Variants in AXIN1 observed in about 807,000 individuals in gnomAD.
AXIN1 encodes the protein axin-1.
A neutral mutation model predicts 76.4 loss-of-function variants in AXIN1; 30 were observed. That is an observed-to-expected ratio of 0.39 (90% CI 0.29 to 0.53). The LOEUF is 0.53. Ranked by LOEUF, AXIN1 falls within the 20% of genes least tolerant of loss-of-function variation. The probability of loss-of-function intolerance (pLI) is 0.66; values close to 1 mark genes in which losing one functional copy is unlikely to be tolerated. For missense variants in AXIN1, 1,140 were observed against 1,198.8 expected (o/e 0.95, Z 0.72); for synonymous variants, 545 against 501.4 (o/e 1.09, Z -1.16).
chr16:326,354 C>CAAAAAAA (rs1187459071), intron 2 of AXIN1, among the ~76,000 whole-genome samples: 1 of 64,174 alleles, frequency 1.6e-5, no homozygotes, highest in Non-Finnish European at 2.9e-5. Context: ...AACTCCGTCT[C>CAAAAAAA]AAAAAAAAAA....
rs139751087 is a variant in AXIN1 at position 289,335 on chromosome 16, G to A, written c.2462+105C>T. On this transcript the variant is annotated intron_variant, in intron 10 of 10. Transcript: ENST00000262320. Reference sequence around the variant, plus strand: ...CCCACCTCAGCCTCCCAAAGTGCCAGGATTAGGACGTGAGCCACTGTGCCC... The same window carrying A: ...CCCACCTCAGCCTCCCAAAGTGCCAAGATTAGGACGTGAGCCACTGTGCCC... 754 of 1,471,664 alleles carry A rather than the reference G, an allele frequency of 5.1e-4. 5 individuals are homozygous for A. The African/African-American group carries it at 8.0e-3, about 16-fold the overall frequency. 91.2% of individuals were successfully genotyped at this position (1,471,664 alleles called of 1,614,324 possible). A position where few individuals can be genotyped will look rare whatever the true frequency, so the allele number is the denominator to read the frequency against.
At chr16:295,558 TA>T (rs57786604) in intron 7 of AXIN1, among the ~76,000 whole-genome samples, 65 of 149,486 alleles carry the variant, frequency 4.3e-4, no homozygotes, top group Non-Finnish European at 7.9e-4. Flanking sequence ...CGCAAAAAAT[TA>T]AAAAAAAAGT....
chr16:346,614 G>C lies in AXIN1; in HGVS notation c.412C>G (p.Leu138Val), dbSNP rs2141705173. The change falls in exon 2 of 11, where the codon CTG (leucine) becomes GTG (valine). Residue 138 changes from leucine (L) to valine (V), a missense_variant. Leu to Val is a conservative substitution (Grantham distance 32). Coordinates refer to ENST00000262320, the MANE Select transcript of AXIN1 (RefSeq NM_003502.4). ...EPCDSNEEKR[L>V]KLARAIYRKY... ...CGGTAGATGGCTCTCGCCAGCTTCA[G>C]CCTCTTCTCCTCGTTCGAGTCACAG... is the stretch of plus-strand genomic sequence containing the variant. 3.1e-6 allele frequency: 5 copies of C among 1,599,376 alleles called. No homozygotes were observed. The highest frequency in any genetic ancestry group is 4.3e-6 in the Non-Finnish European group (5 of 1,171,208).
chr16:289,373 T>C (rs2141466407), intron 10 of AXIN1, 67 bp downstream of exon 10: 1 of 1,598,236 alleles, frequency 6.3e-7, no homozygotes, highest in Non-Finnish European at 8.5e-7. Flanking sequence ...CTGGAAACCC[T>C]CTTTTTCATA....
intron 2 of AXIN1, among the ~76,000 whole-genome samples, chr16:329,784 C>G (rs920506769): frequency 6.7e-6 from 1 of 149,160 alleles, no homozygotes; most frequent in African/African-American, 2.5e-5. Context: ...CCACCTTGCC[C>G]GGCTATTTTT....
At chr16:294,628 G>C (rs764760601) in intron 7 of AXIN1, among the ~76,000 whole-genome samples, 7 of 151,170 alleles carry the variant, frequency 4.6e-5, no homozygotes, top group Non-Finnish European at 8.8e-5. Context: ...AATAGTGGGT[G>C]CCTGTAATCC....
chr16:341,595 G>A (rs2053923306), intron 2 of AXIN1, among the ~76,000 whole-genome samples: 1 of 152,250 alleles, frequency 6.6e-6, no homozygotes, highest in African/African-American at 2.4e-5. Context: ...CGAGCGCCCG[G>A]TCCCATTGAC....
intron 2 of AXIN1, among the ~76,000 whole-genome samples, chr16:321,642 G>C (rs966328771): frequency 3.9e-5 from 6 of 152,010 alleles, no homozygotes; most frequent in African/African-American, 1.4e-4. Flanking sequence ...ATATGAGGTA[G>C]GTGGATTCCA....
intron 10 of AXIN1, 59 bp downstream of exon 10, chr16:289,381 A>G (rs1340948743): frequency 8.1e-6 from 13 of 1,602,300 alleles, no homozygotes; most frequent in Non-Finnish European, 1.1e-5. Context: ...CCTCTTTTTC[A>G]TACCGTTGGG....
intron 1 of AXIN1, among the ~76,000 whole-genome samples, chr16:349,658 C>T (rs1438312717): frequency 1.3e-5 from 2 of 152,164 alleles, no homozygotes; most frequent in Admixed American, 1.3e-4. Context: ...CTGCAACTAA[C>T]GGGCACCAGT....
intron 3 of AXIN1, among the ~76,000 whole-genome samples, chr16:313,263 T>C (rs967758957): frequency 1.3e-5 from 2 of 152,216 alleles, no homozygotes; most frequent in African/African-American, 4.8e-5. Flanking sequence ...GATCGCACCA[T>C]TGCAGTCCAG....
chr16:324,934 C>T (rs1486582244), intron 2 of AXIN1, among the ~76,000 whole-genome samples: 1 of 152,168 alleles, frequency 6.6e-6, no homozygotes, highest in African/African-American at 2.4e-5. Flanking sequence ...CGCAGAACTC[C>T]GGGATGAACA....
At chr16:307,138 C>T (rs2053048990) in intron 4 of AXIN1, among the ~76,000 whole-genome samples, 1 of 152,142 alleles carries the variant, frequency 6.6e-6, no homozygotes, top group Non-Finnish European at 1.5e-5. Flanking sequence ...GACAGACGCG[C>T]TTATGGTCTG....
At chr16:288,897 G>A (rs536841583) in intron 10 of AXIN1, among the ~76,000 whole-genome samples, 38 of 152,240 alleles carry the variant, frequency 2.5e-4, no homozygotes, top group Non-Finnish European at 4.1e-4. Context: ...TCAGACCATC[G>A]TCGTCTAGGG....
chr16:304,507 G>A (rs2141548338), intron 4 of AXIN1, 66 bp from the exon 5 acceptor site: 1 of 1,606,266 alleles, frequency 6.2e-7, no homozygotes, highest in Non-Finnish European at 8.5e-7. Context: ...TCTTTGTGAA[G>A]GGAAAGAGCG....
At chr16:289,759 C>A (rs1453081758) in intron 9 of AXIN1, 152 bp from the exon 10 acceptor site, 6 of 916,296 alleles carry the variant, frequency 6.5e-6, no homozygotes, top group African/African-American at 3.3e-5. Context: ...AGCCCCCGCA[C>A]AGCATCTCAA....
chr16:302,659 G>A (rs2052905132), intron 5 of AXIN1, among the ~76,000 whole-genome samples: 1 of 152,200 alleles, frequency 6.6e-6, no homozygotes, highest in Non-Finnish European at 1.5e-5. Flanking sequence ...GCTCACCCGG[G>A]TAGCGGGTGA....
rs143341222 is a variant in AXIN1 at position 346,626 on chromosome 16, C to T, written c.400G>A (p.Glu134Lys). Residue 134 changes from glutamate to lysine, a missense_variant, in exon 2 of 11, where the codon GAG (glutamate) becomes AAG (lysine). By Grantham distance (56) the Glu-to-Lys change is moderately conservative. Around this residue, in one of 3 missense-constraint regions of AXIN1, gnomAD observed 708 missense variants for 776.9 expected, o/e 0.91. Transcript: ENST00000262320. ...CTCGCCAGCTTCAGCCTCTTCTCCT[C>T]GTTCGAGTCACAGGGCTCCAGCTTC... ...FRKLEPCDSN[E>K]EKRLKLARAI... 53 of 1,589,834 alleles carry T rather than the reference C, an allele frequency of 3.3e-5. No individual in the cohort carries two copies. Among genetic ancestry groups the T allele is most frequent in the Non-Finnish European group, 3.9e-5 (46 of 1,167,138 alleles).
At chr16:320,841 T>G (rs1395357037) in intron 2 of AXIN1, among the ~76,000 whole-genome samples, 1 of 82,188 alleles carries the variant, frequency 1.2e-5, no homozygotes, top group Non-Finnish European at 2.5e-5. Flanking sequence ...CTGGGTTCAA[T>G]CGATTCTCCT....
Sources: gnomAD v4.1 joint callset for allele counts (sites outside exome capture counted in the v4.1 genomes callset) on GRCh38, gnomAD v4.1.1 for gene constraint, gnomAD v4.1.1 regional missense constraint, MANE v1.5 for transcripts, NCBI Gene and HGNC (gene_info 2026-07-23, HGNC 2026-07-21) for gene names.